RNF43: variants seen among roughly 807,000 people sequenced by gnomAD.
RNF43 encodes the protein E3 ubiquitin-protein ligase RNF43.
RNF43 carries 37 observed loss-of-function variants against 78.4 expected under a neutral mutation model. The ratio of observed to expected loss-of-function variants is 0.47; its 90% CI spans 0.36 to 0.62. The LOEUF (loss-of-function observed/expected upper bound fraction) is 0.62. RNF43 is among the 20% of genes least tolerant of loss of function. The probability of loss-of-function intolerance (pLI) is 0.00; values close to 1 mark genes in which losing one functional copy is unlikely to be tolerated. For synonymous variants in RNF43, 347 were observed against 395.0 expected (o/e 0.88, Z 1.44); for missense variants, 774 against 1,007.9 (o/e 0.77, Z 3.14).
intron 2 of RNF43, among the ~76,000 whole-genome samples, chr17:58,395,878 C>T (rs1191556386): frequency 6.6e-6 from 1 of 152,236 alleles, no homozygotes; most frequent in South Asian, 2.1e-4. Context: ...CTTTCATTTT[C>T]TGTATTTTGG....
chr17:58,363,660 G>A, intron 3 of RNF43, 60 bp from the exon 4 acceptor site: 1 of 1,446,924 alleles, frequency 6.9e-7, no homozygotes, highest in African/African-American at 1.4e-5. Flanking sequence ...CCCACCCACA[G>A]GCTAGCCTCA....
rs1335708380 is a variant in RNF43 at position 58,417,219 on chromosome 17, G to A, written c.-588C>T. 1 of 152,164 alleles carries A rather than the reference G, an allele frequency of 6.6e-6. No individual in the cohort carries two copies. The highest frequency in any genetic ancestry group is 2.4e-5 in the African/African-American group (1 of 41,428). 9.4% of individuals were successfully genotyped at this position (152,164 alleles called of 1,614,324 possible). A position where few individuals can be genotyped will look rare whatever the true frequency, so the allele number is the denominator to read the frequency against. On this transcript the variant is annotated 5_prime_UTR_variant, in exon 1 of 10. Coordinates refer to ENST00000407977, the MANE Select transcript of RNF43 (RefSeq NM_017763.6). ...GCAGCCTGAAAAAATAATCCATGCA[G>A]GTCAAAGGCAGAAATTTACTCCGGG...
At position 58,360,795 on chromosome 17, in the gene RNF43, G is replaced by A. The variant is rs141997049; in HGVS notation, c.837C>T (p.Phe279=). 7.1e-4 allele frequency: 1,140 copies of A among 1,611,300 alleles called. 1 individual carries two copies. The highest frequency in any genetic ancestry group is 9.9e-4 in the Middle Eastern group (6 of 6,072). The change falls in exon 7 of 10, where the codon TTC becomes TTT. Residue 279 remains phenylalanine (F), a synonymous_variant. Transcript: ENST00000407977. This position sits in a 1 kb window ranked among gnomAD's most constrained non-coding sequence, Gnocchi z 4.3. ...AGACCTGCCTTACCTGCCCCTCAGA[G>A]AACTCCTCCAGACAGATGGCACACA... The part of the protein sequence containing the change: ...APVCAICLEE[F]SEGQELRVIS...
intron 2 of RNF43, among the ~76,000 whole-genome samples, chr17:58,411,678 A>AC (rs1168930031): frequency 6.6e-6 from 1 of 152,088 alleles, no homozygotes; most frequent in Non-Finnish European, 1.5e-5. Context: ...AGAATTGGTG[A>AC]CCTCTTTGTG....
At chr17:58,397,078 C>A (rs1973697837) in intron 2 of RNF43, among the ~76,000 whole-genome samples, 1 of 149,164 alleles carries the variant, frequency 6.7e-6, no homozygotes, top group Non-Finnish European at 1.5e-5. Context: ...TGTAGGAATA[C>A]AGAAATCAGG....
intron 2 of RNF43, among the ~76,000 whole-genome samples, chr17:58,414,047 T>C (rs1414351272): frequency 6.6e-6 from 1 of 152,184 alleles, no homozygotes; most frequent in Non-Finnish European, 1.5e-5. Flanking sequence ...CATTTTAGAA[T>C]CCAAATTATC....
At chr17:58,373,163 T>C (rs2680688) in intron 2 of RNF43, among the ~76,000 whole-genome samples, 102,350 of 152,014 alleles carry the variant, frequency 0.67, 34,840 homozygotes, top group East Asian at 0.83. Context: ...CCTCCCCACA[T>C]GGTCCAGCCT....
intron 6 of RNF43, 76 bp downstream of exon 6, chr17:58,362,468 A>T: frequency 1.9e-6 from 2 of 1,033,734 alleles, no homozygotes; most frequent in Non-Finnish European, 2.8e-6. Context: ...TTCTTCACGT[A>T]CTCCTTCCTT....
chr17:58,353,019 G>A (rs1481678365), downstream of RNF43: 1 of 217,162 alleles, frequency 4.6e-6, no homozygotes, highest in Non-Finnish European at 9.3e-6. Flanking sequence ...TCTGGCCCTG[G>A]AGACTTCACG....
chr17:58,369,404 CCCTG>C (rs1458588271), intron 3 of RNF43, among the ~76,000 whole-genome samples: 1 of 152,224 alleles, frequency 6.6e-6, no homozygotes, highest in African/African-American at 2.4e-5. Flanking sequence ...CTGCCCACAT[CCCTG>C]CCTGCCATGG....
chr17:58,361,881 T>A (rs968258496), intron 6 of RNF43, among the ~76,000 whole-genome samples: 1 of 152,188 alleles, frequency 6.6e-6, no homozygotes, highest in Non-Finnish European at 1.5e-5. Flanking sequence ...TTTGCTGCAA[T>A]GCCATCTTCT....
intron 2 of RNF43, among the ~76,000 whole-genome samples, chr17:58,372,323 G>T (rs527468966): frequency 6.6e-6 from 1 of 152,322 alleles, no homozygotes; most frequent in African/African-American, 2.4e-5. Flanking sequence ...TCTCTGGGCA[G>T]GGGGTGTTGA....
In RNF43 at chr17:58,383,351, G is replaced by A. The variant is rs1598150192; in HGVS notation, c.253-12318C>T. Among the ~76,000 whole-genome samples, 4 of 152,060 alleles carry A rather than the reference G, an allele frequency of 2.6e-5. No homozygotes were observed. The South Asian group carries it at 6.2e-4, about 24-fold the overall frequency. On this transcript the variant is annotated intron_variant, in intron 2 of 9. Coordinates refer to ENST00000407977, the MANE Select transcript of RNF43 (RefSeq NM_017763.6). ...GTCACCCAGGCTAGAGTGTGGTGGT[G>A]TAATCATAGCTCACTGGTGCCTCGA...
At chr17:58,365,119 T>A (rs1339879259) in intron 3 of RNF43, among the ~76,000 whole-genome samples, 2 of 151,992 alleles carry the variant, frequency 1.3e-5, no homozygotes, top group African/African-American at 2.4e-5. Flanking sequence ...GCTGAAGGAG[T>A]TGAGAGGTTC....
chr17:58,407,477 T>G (rs1973937129), intron 2 of RNF43, among the ~76,000 whole-genome samples: 1 of 152,228 alleles, frequency 6.6e-6, no homozygotes, highest in Non-Finnish European at 1.5e-5. Flanking sequence ...ACCTTAGTTT[T>G]TAAATCATTT....
chr17:58,395,482 T>C (rs1014308772), intron 2 of RNF43, among the ~76,000 whole-genome samples: 1 of 151,518 alleles, frequency 6.6e-6, no homozygotes, highest in Non-Finnish European at 1.5e-5. Context: ...CTTGAACTCC[T>C]AGAAATAAAT....
At chr17:58,386,455 G>A (rs180937801) in intron 2 of RNF43, among the ~76,000 whole-genome samples, 13 of 152,128 alleles carry the variant, frequency 8.5e-5, no homozygotes, top group African/African-American at 2.4e-4. Context: ...CAACAACACC[G>A]TGCAAGAAGA....
chr17:58,363,942 C>T (rs1426654255), intron 3 of RNF43, among the ~76,000 whole-genome samples: 1 of 152,182 alleles, frequency 6.6e-6, no homozygotes, highest in Non-Finnish European at 1.5e-5. Context: ...GTACAATCAG[C>T]CTGCCTTCAC....
At chr17:58,404,166 G>A (rs1054602259) in intron 2 of RNF43, among the ~76,000 whole-genome samples, 4 of 152,158 alleles carry the variant, frequency 2.6e-5, no homozygotes, top group African/African-American at 9.7e-5. Context: ...CCTATTTATT[G>A]TAAGACATTA....
Sources: allele counts gnomAD v4.1 joint callset (sites outside exome capture counted in the v4.1 genomes callset), GRCh38; gene constraint gnomAD v4.1.1; non-coding constraint Gnocchi (gnomAD v3.1); transcripts MANE v1.5; gene names NCBI Gene and HGNC (gene_info 2026-07-23, HGNC 2026-07-21).